PTPRM: variants seen among roughly 807,000 people sequenced by gnomAD.
The protein encoded by PTPRM is protein tyrosine phosphatase receptor type M.
In PTPRM, 47 loss-of-function variants were observed where a neutral mutation model predicts 186.7. The ratio of observed to expected loss-of-function variants is 0.25; its 90% CI spans 0.20 to 0.32. The LOEUF is 0.32. Among genes scored for constraint, PTPRM ranks in the 10% least tolerant of loss-of-function variants. PTPRM has a pLI of 1.00. For synonymous variants in PTPRM, 668 were observed against 674.9 expected (o/e 0.99, Z 0.16); for missense variants, 1,494 against 1,865.0 (o/e 0.80, Z 3.66).
At chr18:7,760,044 C>T (rs1598553288) in intron 1 of PTPRM, among the ~76,000 whole-genome samples, 2 of 152,104 alleles carry the variant, frequency 1.3e-5, no homozygotes, top group Non-Finnish European at 2.9e-5. Flanking sequence ...AAGTTTCTTA[C>T]TTTTTCACAA....
intron 1 of PTPRM, among the ~76,000 whole-genome samples, chr18:7,578,733 A>C (rs1404648176): frequency 6.6e-6 from 1 of 151,840 alleles, no homozygotes; most frequent in African/African-American, 2.4e-5. Context: ...TCAGCCTCCC[A>C]AAGTGCTGGG....
intron 1 of PTPRM, among the ~76,000 whole-genome samples, chr18:7,683,213 T>A: frequency 6.8e-6 from 1 of 147,772 alleles, no homozygotes; most frequent in Non-Finnish European, 1.5e-5. Context: ...TCGCCTAGAC[T>A]AGAGTACAGT....
At chr18:7,928,145 G>T (rs755044706) in intron 5 of PTPRM, among the ~76,000 whole-genome samples, 6 of 152,176 alleles carry the variant, frequency 3.9e-5, no homozygotes, top group Non-Finnish European at 8.8e-5. Context: ...ATGCATTCTG[G>T]AGAGGCTTCT....
intron 19 of PTPRM, among the ~76,000 whole-genome samples, chr18:8,294,845 T>C (rs1001996744): frequency 2.6e-5 from 4 of 152,194 alleles, no homozygotes; most frequent in African/African-American, 9.6e-5. Context: ...AAAATGGTGT[T>C]GCTCAACTGT....
chr18:8,176,296 A>G lies in PTPRM; in HGVS notation c.2300+32517A>G, dbSNP rs1028461676. Among the ~76,000 whole-genome samples, 8 of 152,154 alleles carry G rather than the reference A, an allele frequency of 5.3e-5. No individual in the cohort carries two copies. The East Asian group carries it at 1.5e-3, about 29-fold the overall frequency. On this transcript the variant is annotated intron_variant, in intron 14 of 32. Coordinates refer to ENST00000580170, the MANE Select transcript of PTPRM (RefSeq NM_001105244.2). Reference sequence around the variant, plus strand: ...TAACAAAGAAGGCTGTGTAATCTCTATCTACTGCAATCTCAAAAAATAGGC... The same window carrying G: ...TAACAAAGAAGGCTGTGTAATCTCTGTCTACTGCAATCTCAAAAAATAGGC...
intron 8 of PTPRM, among the ~76,000 whole-genome samples, chr18:8,070,645 G>A (rs1443424131): frequency 6.6e-6 from 1 of 152,134 alleles, no homozygotes; most frequent in Non-Finnish European, 1.5e-5. Flanking sequence ...GTAAAATTAT[G>A]CCTTGAATCT....
chr18:8,126,031 T>TA (rs2092353392), intron 13 of PTPRM, among the ~76,000 whole-genome samples: 1 of 92,576 alleles, frequency 1.1e-5, no homozygotes, highest in Non-Finnish European at 2.2e-5. Flanking sequence ...ATATATATTT[T>TA]AAATCAGTAG....
chr18:7,884,947 AAAAAG>A (rs2048704143), intron 2 of PTPRM, among the ~76,000 whole-genome samples: 1 of 150,642 alleles, frequency 6.6e-6, no homozygotes, highest in Non-Finnish European at 1.5e-5. Context: ...AAAAAAAAAA[AAAAAG>A]GAGAGAGAGA....
intron 2 of PTPRM, among the ~76,000 whole-genome samples, chr18:7,839,208 A>C (rs1042883241): frequency 6.6e-6 from 1 of 152,166 alleles, no homozygotes; most frequent in Non-Finnish European, 1.5e-5. Flanking sequence ...CCTAGGGTGC[A>C]AGACAAAGCC....
At chr18:8,254,720 C>T (rs548538595) in intron 19 of PTPRM, among the ~76,000 whole-genome samples, 69 of 152,192 alleles carry the variant, frequency 4.5e-4, no homozygotes, top group Admixed American at 1.1e-3. Context: ...ACTGCATTGT[C>T]TTGGGTTTAG....
At chr18:8,099,394 T>A (rs11659439) in intron 11 of PTPRM, among the ~76,000 whole-genome samples, 15,796 of 152,246 alleles carry the variant, frequency 0.1, 1,098 homozygotes, top group Non-Finnish European at 0.15. Flanking sequence ...CAATCCTGGT[T>A]CTATGCCAGA....
At chr18:7,636,888 C>T (rs2038326593) in intron 1 of PTPRM, among the ~76,000 whole-genome samples, 1 of 152,088 alleles carries the variant, frequency 6.6e-6, no homozygotes, top group African/African-American at 2.4e-5. Flanking sequence ...GTAATTCAGG[C>T]TGGGTGTGAT....
chr18:7,922,056 A>G (rs1264299482), intron 4 of PTPRM, among the ~76,000 whole-genome samples: 3 of 151,812 alleles, frequency 2.0e-5, no homozygotes, highest in South Asian at 4.2e-4. Context: ...TTACCTGTTG[A>G]TTTCCCTTTT....
chr18:8,250,315 T>C (rs1021162631), intron 17 of PTPRM, among the ~76,000 whole-genome samples: 1 of 152,134 alleles, frequency 6.6e-6, no homozygotes, highest in Non-Finnish European at 1.5e-5. Flanking sequence ...TCAAATATAT[T>C]GCATCCATTT....
At chr18:8,053,179 C>G (rs527720583) in intron 7 of PTPRM, among the ~76,000 whole-genome samples, 5 of 152,188 alleles carry the variant, frequency 3.3e-5, no homozygotes, top group African/African-American at 1.2e-4. Flanking sequence ...GTTTTCCCTT[C>G]TTTACAATAA....
At chr18:8,263,365 T>C (rs2086273871) in intron 19 of PTPRM, among the ~76,000 whole-genome samples, 2 of 152,182 alleles carry the variant, frequency 1.3e-5, no homozygotes, top group African/African-American at 4.8e-5. Context: ...TGCCTAGGGC[T>C]CCCAAAGTGC....
intron 5 of PTPRM, among the ~76,000 whole-genome samples, chr18:7,929,443 G>T (rs1049038828): frequency 3.3e-5 from 5 of 151,958 alleles, no homozygotes; most frequent in African/African-American, 1.2e-4. Flanking sequence ...TCTACACTGC[G>T]CTGTCAAGAA....
intron 8 of PTPRM, among the ~76,000 whole-genome samples, chr18:8,076,242 A>G (rs544019011): frequency 1.3e-5 from 2 of 152,290 alleles, no homozygotes; most frequent in African/African-American, 4.8e-5. Flanking sequence ...CTAATTGATT[A>G]AAACTTTTAA....
At chr18:8,318,705 A>G (rs982492086) in intron 21 of PTPRM, among the ~76,000 whole-genome samples, 7 of 152,230 alleles carry the variant, frequency 4.6e-5, no homozygotes, top group Admixed American at 1.3e-4. Flanking sequence ...CCCTTGCTAC[A>G]GTAGCATGTC....
Sources: allele counts gnomAD v4.1 joint callset (sites outside exome capture counted in the v4.1 genomes callset), GRCh38; gene constraint gnomAD v4.1.1; transcripts MANE v1.5; gene names NCBI Gene and HGNC (gene_info 2026-07-23, HGNC 2026-07-21).